Variants in SNX8 observed in about 807,000 individuals in gnomAD.
SNX8 encodes sorting nexin 8.
In SNX8, 25 loss-of-function variants were observed where a neutral mutation model predicts 51.6. That is an observed-to-expected ratio of 0.48 (90% CI 0.35 to 0.68). The LOEUF is 0.68. Ranked by LOEUF, SNX8 falls within the 30% of genes least tolerant of loss-of-function variation. The probability of loss-of-function intolerance (pLI) is 0.00; values close to 1 mark genes in which losing one functional copy is unlikely to be tolerated. For synonymous variants in SNX8, 324 were observed against 277.0 expected (o/e 1.17, Z -1.68); for missense variants, 695 against 624.0 (o/e 1.11, Z -1.21).
At chr7:2,278,013 C>A (rs757950564) in intron 2 of SNX8, 87 bp downstream of exon 2, 11 of 1,530,394 alleles carry the variant, frequency 7.2e-6, no homozygotes, top group Non-Finnish European at 9.7e-6. Flanking sequence ...TCAGCCTTCT[C>A]CTGTCACACC....
chr7:2,346,164 A>G (rs1388484907), intron 1 of SNX8, among the ~76,000 whole-genome samples: 1 of 152,136 alleles, frequency 6.6e-6, no homozygotes, highest in Non-Finnish European at 1.5e-5. Flanking sequence ...CAAACAATGA[A>G]TACATTACTT....
intron 1 of SNX8, among the ~76,000 whole-genome samples, chr7:2,303,286 G>A (rs13224637): frequency 6.9e-6 from 1 of 144,202 alleles, no homozygotes; most frequent in East Asian, 2.1e-4. Context: ...GGAGGTGGGG[G>A]GGTCAGCCCC....
In SNX8 at chr7:2,264,339, G is replaced by A. The variant is rs747318950; in HGVS notation, c.741C>T (p.Ile247=). ...ATATGAGAAGATCTGCCGCATTGTC[G>A]ATGGCCCGCGATGCGATCCGCTCGG... The part of the protein sequence containing the change: ...DRAERIASRA[I]DNAADLLIFG... The change falls in exon 6 of 11, where the codon ATC becomes ATT. Residue 247 remains isoleucine (I), a synonymous_variant. Transcript: ENST00000222990. 28 of 1,612,716 alleles carry A rather than the reference G, an allele frequency of 1.7e-5. No individual in the cohort carries two copies. In the African/African-American group the frequency reaches 2.7e-4, roughly 15 times the overall value.
intron 1 of SNX8, among the ~76,000 whole-genome samples, chr7:2,279,599 A>G (rs1169035079): frequency 6.6e-6 from 1 of 151,858 alleles, no homozygotes; most frequent in Non-Finnish European, 1.5e-5. Context: ...AAAAAATACA[A>G]AATTAGCCAT....
At chr7:2,331,208 GAAAGA>G (rs1306127802) in intron 1 of SNX8, among the ~76,000 whole-genome samples, 3 of 135,156 alleles carry the variant, frequency 2.2e-5, no homozygotes, top group Non-Finnish European at 4.9e-5. Flanking sequence ...AAAAAAGAAA[GAAAGA>G]AAAGAAAAGA....
chr7:2,264,356 T>C lies in SNX8; in HGVS notation c.724A>G (p.Ile242Val), dbSNP rs750227057. The change falls in exon 6 of 11, where the codon ATC becomes GTC. Residue 242 changes from isoleucine (I) to valine (V), a missense_variant. Physicochemically the swap from Ile to Val is conservative, Grantham distance 29. Coordinates refer to ENST00000222990, the MANE Select transcript of SNX8 (RefSeq NM_013321.4). ...GCATTGTCGATGGCCCGCGATGCGA[T>C]CCGCTCGGCCCTGTCGCGAAGCTTG... ...FHKLRDRAER[I>V]ASRAIDNAAD... The C allele has an allele frequency of 6.2e-7, 1 of 1,612,950 alleles. No homozygotes were observed.
At chr7:2,352,347 C>T (rs1012600136) in intron 1 of SNX8, among the ~76,000 whole-genome samples, 3 of 152,054 alleles carry the variant, frequency 2.0e-5, no homozygotes, top group Non-Finnish European at 4.4e-5. Context: ...TTTCACATTG[C>T]ACTGTTTCAG....
Position 2,271,945 on chromosome 7 carries a change from T to C in SNX8, c.445A>G (p.Arg149Gly). 6.2e-7 allele frequency: 1 copy of C among 1,614,092 alleles called. No individual in the cohort carries two copies. The highest frequency in any genetic ancestry group is 8.5e-7 in the Non-Finnish European group (1 of 1,180,016). Residue 149 changes from arginine to glycine, a missense_variant, in exon 4 of 11, where the codon AGG becomes GGG. Transcript: ENST00000222990. ...TTGACGAAGCGCTTCAGGGCTCTCC[T>C]CCTGGCCTCGATGAACTCCCTGTCA... The part of the protein sequence containing the change: ...GADREFIEAR[R>G]RALKRFVNLV...
intron 7 of SNX8, among the ~76,000 whole-genome samples, chr7:2,258,873 G>A (rs555936840): frequency 5.3e-5 from 8 of 152,300 alleles, no homozygotes; most frequent in African/African-American, 1.4e-4. Flanking sequence ...GGCAGCCCTG[G>A]AGTGGAACAG....
At chr7:2,346,236 G>A (rs1317035587) in intron 1 of SNX8, among the ~76,000 whole-genome samples, 2 of 120,628 alleles carry the variant, frequency 1.7e-5, no homozygotes, top group Non-Finnish European at 3.4e-5. Context: ...GAGAGGACTT[G>A]AGCCCAGAAG....
At chr7:2,257,635 T>A (rs1379071101) in intron 8 of SNX8, 100 bp downstream of exon 8, 2 of 1,563,418 alleles carry the variant, frequency 1.3e-6, no homozygotes, top group Non-Finnish European at 1.8e-6. Flanking sequence ...CAGCCCTGGC[T>A]TCTCAGCTCC....
chr7:2,296,845 G>A (rs765301130), intron 1 of SNX8, among the ~76,000 whole-genome samples: 3 of 151,742 alleles, frequency 2.0e-5, no homozygotes, highest in Non-Finnish European at 4.4e-5. Flanking sequence ...CATGAGAATC[G>A]CTTGAACCTG....
Position 2,284,002 on chromosome 7 carries a change from C to T in SNX8, c.95-5697G>A, listed in dbSNP as rs1375978965. Among the ~76,000 whole-genome samples, 3 of 152,232 alleles carry T rather than the reference C, an allele frequency of 2.0e-5. No homozygotes were observed. The East Asian group carries it at 5.8e-4, about 29-fold the overall frequency. On this transcript the variant is annotated intron_variant, in intron 1 of 10. Transcript: ENST00000222990. ...GAGACATGGGGTTTCACCATGTTGA[C>T]CAGGCTTGTCCTGAACTCCTGACCT...
intron 7 of SNX8, among the ~76,000 whole-genome samples, chr7:2,258,062 A>G (rs4721516): frequency 0.1 from 15,455 of 148,688 alleles, 2,292 homozygotes; most frequent in African/African-American, 0.34. Flanking sequence ...CCAGGCTGGA[A>G]TGCAGTGGCA....
At chr7:2,326,933 C>A (rs1778632298) in intron 1 of SNX8, among the ~76,000 whole-genome samples, 1 of 152,046 alleles carries the variant, frequency 6.6e-6, no homozygotes, top group East Asian at 1.9e-4. Context: ...TGGCAAAACC[C>A]TGCCTCTACA....
intron 1 of SNX8, chr7:2,299,496 T>C (rs900258341): frequency 1.3e-5 from 2 of 152,056 alleles, no homozygotes; most frequent in Admixed American, 6.6e-5. Flanking sequence ...ACCTCTCGGG[T>C]CTCTCATTTC....
chr7:2,336,258 G>A (rs897133947), intron 1 of SNX8, among the ~76,000 whole-genome samples: 16 of 151,950 alleles, frequency 1.1e-4, no homozygotes, highest in African/African-American at 1.7e-4. Context: ...AAAATTAACC[G>A]GGCATGGTGG....
chr7:2,286,169 A>C (rs1796023885), intron 1 of SNX8, among the ~76,000 whole-genome samples: 1 of 151,110 alleles, frequency 6.6e-6, no homozygotes, highest in Non-Finnish European at 1.5e-5. Flanking sequence ...ACACCACCAC[A>C]CCTGACTAAT....
At chr7:2,313,550 GA>G (rs1796702348) in intron 1 of SNX8, among the ~76,000 whole-genome samples, 1 of 149,302 alleles carries the variant, frequency 6.7e-6, no homozygotes, top group Non-Finnish European at 1.5e-5. Context: ...GAAAAGAAAA[GA>G]AAAAGAAAAA....
Sources: gnomAD v4.1 joint callset for allele counts (sites outside exome capture counted in the v4.1 genomes callset) on GRCh38, gnomAD v4.1.1 for gene constraint, MANE v1.5 for transcripts, NCBI Gene and HGNC (gene_info 2026-07-23, HGNC 2026-07-21) for gene names.